Variants in DCPS observed in about 807,000 individuals in gnomAD.
The protein encoded by DCPS is m7GpppX diphosphatase.
In DCPS, 27 loss-of-function variants were observed where a neutral mutation model predicts 34.7. The ratio of observed to expected loss-of-function variants is 0.78; its 90% CI spans 0.57 to 1.07. The LOEUF (loss-of-function observed/expected upper bound fraction) is 1.07, where lower values mean the gene tolerates loss of function less well. Among genes scored for constraint, DCPS ranks in the 50% least tolerant of loss-of-function variants. DCPS has a pLI of 0.00. For synonymous variants in DCPS, 185 were observed against 185.7 expected, an observed-to-expected ratio of 1.00 and a Z score of 0.03; for missense variants, 464 against 436.9, an observed-to-expected ratio of 1.06 and a Z score of -0.55.
intron 4 of DCPS, among the ~76,000 whole-genome samples, chr11:126,339,752 G>A (rs1951863038): frequency 6.6e-6 from 1 of 152,184 alleles, no homozygotes; most frequent in African/African-American, 2.4e-5. Context: ...GAAGGAGGGA[G>A]CCAGGACTGG....
intron 4 of DCPS, among the ~76,000 whole-genome samples, chr11:126,340,046 C>T (rs908746385): frequency 6.6e-6 from 1 of 152,164 alleles, no homozygotes; most frequent in Non-Finnish European, 1.5e-5. Context: ...TAGACTTGTC[C>T]GTCTGTATTC....
At position 126,327,039 on chromosome 11, in the gene DCPS, T is replaced by G. The variant is rs1291704786; in HGVS notation, c.377-4366T>G. Among the ~76,000 whole-genome samples the G allele has an allele frequency of 6.6e-6, 1 of 152,200 alleles. No homozygotes were observed. The highest frequency in any genetic ancestry group is 1.5e-5 in the Non-Finnish European group (1 of 68,028). On this transcript the variant is annotated intron_variant, in intron 2 of 5. Coordinates refer to ENST00000263579, the MANE Select transcript of DCPS (RefSeq NM_014026.6). This position sits in a 1 kb window ranked among gnomAD's most constrained non-coding sequence, Gnocchi z 4.1. Reference sequence around the variant, plus strand: ...TGATAACGATGGATATAAAAAAGGGTAAAATTATTAATTTCAGGAGATTTC... The same window carrying G: ...TGATAACGATGGATATAAAAAAGGGGAAAATTATTAATTTCAGGAGATTTC...
At position 126,313,018 on chromosome 11, in the gene DCPS, C is replaced by T. The variant is rs1315429876; in HGVS notation, c.376+6274C>T. Among the ~76,000 whole-genome samples the T allele has an allele frequency of 2.0e-5, 3 of 152,160 alleles. No homozygotes were observed. Among genetic ancestry groups the T allele is most frequent in the Admixed American group, 6.5e-5 (1 of 15,278 alleles). ...CCTTTCTGCCATAGCTGTCACCCTGCGGCCTGTCAATGGAGCCCTTTATTG... is the reference window on the plus strand; with the variant it reads ...CCTTTCTGCCATAGCTGTCACCCTGTGGCCTGTCAATGGAGCCCTTTATTG... On this transcript the variant is annotated intron_variant, in intron 2 of 5. Transcript: ENST00000263579. The surrounding 1 kb of genome is among the most constrained non-coding windows in gnomAD (Gnocchi z 4.9).
At position 126,333,702 on chromosome 11, in the gene DCPS, G is replaced by A. The variant is rs914115924; in HGVS notation, c.522+2152G>A. ...GGGTCAGAGGAGACAGCACTGAGAT[G>A]GTAGGCAGGGGCCAGGCGGAGGCAC... On this transcript the variant is annotated intron_variant, in intron 3 of 5. Transcript: ENST00000263579. This position sits in a 1 kb window ranked among gnomAD's most constrained non-coding sequence, Gnocchi z 5.7. 3.3e-5 allele frequency among the ~76,000 whole-genome samples: 5 copies of A among 152,218 alleles called. No homozygotes were observed. Among genetic ancestry groups the A allele is most frequent in the African/African-American group, 1.2e-4 (5 of 41,458 alleles).
Position 126,347,092 on chromosome 11 carries a change from A to T in DCPS, c.*1479A>T, listed in dbSNP as rs972780413. On this transcript the variant is annotated 3_prime_UTR_variant, in exon 6 of 6. Transcript: ENST00000263579. This position sits in a 1 kb window ranked among gnomAD's most constrained non-coding sequence, Gnocchi z 4.2. ...AGACTCCCTCTCAGAAAAAAAAATT[A>T]AAAAAATAGAAACAGCCGGGGAGTG... Among the ~76,000 whole-genome samples, 3 of 151,536 alleles carry T rather than the reference A, an allele frequency of 2.0e-5. No individual in the cohort carries two copies. The highest frequency in any genetic ancestry group is 4.4e-5 in the Non-Finnish European group (3 of 67,910).
chr11:126,309,644 C>T (rs937433251), intron 2 of DCPS, among the ~76,000 whole-genome samples: 9 of 152,126 alleles, frequency 5.9e-5, no homozygotes, highest in Admixed American at 1.3e-4. Flanking sequence ...ACTGTACATG[C>T]GGTGCCTTTC....
At position 126,325,868 on chromosome 11, in the gene DCPS, C is replaced by T. The variant is rs1951735548; in HGVS notation, c.377-5537C>T. ...GGCGCGGTGGCTCACACCTGTAATC[C>T]CAGCACTTTGGGAGGCTGAGGTGGG... On this transcript the variant is annotated intron_variant, in intron 2 of 5. Transcript: ENST00000263579. This position sits in a 1 kb window ranked among gnomAD's most constrained non-coding sequence, Gnocchi z 4.3. 6.6e-6 allele frequency among the ~76,000 whole-genome samples: 1 copy of T among 152,036 alleles called. No individual in the cohort carries two copies. Among genetic ancestry groups the T allele is most frequent in the Non-Finnish European group, 1.5e-5 (1 of 68,024 alleles).
At position 126,329,746 on chromosome 11, in the gene DCPS, G is replaced by A. The variant is rs1021932204; in HGVS notation, c.377-1659G>A. On this transcript the variant is annotated intron_variant, in intron 2 of 5. Transcript: ENST00000263579. This position sits in a 1 kb window ranked among gnomAD's most constrained non-coding sequence, Gnocchi z 5.0. ...GTCCCAGCCCACCCTCTTCACTGAC[G>A]TATGAAAGCGGGGTTAAAACCACCT... Among the ~76,000 whole-genome samples, 4 of 152,172 alleles carry A rather than the reference G, an allele frequency of 2.6e-5. No homozygotes were observed. Among genetic ancestry groups the A allele is most frequent in the African/African-American group, 7.2e-5 (3 of 41,438 alleles).
chr11:126,304,095 T>C lies in DCPS; in HGVS notation c.15T>C (p.Ala5=), dbSNP rs1951541866. The part of the protein sequence containing the change: MADA[A]PQLGKRKREL... ...TCCGCGGCAGCATGGCGGACGCAGC[T>C]CCTCAACTAGGCAAGAGGAAGCGCG... The change falls in exon 1 of 6, where the codon GCT becomes GCC. Residue 5 remains alanine (A), a synonymous_variant. Transcript: ENST00000263579. 1 of 1,607,666 alleles carries C rather than the reference T, an allele frequency of 6.2e-7. No individual in the cohort carries two copies.
chr11:126,310,950 G>T (rs546609384), intron 2 of DCPS, among the ~76,000 whole-genome samples: 4 of 152,158 alleles, frequency 2.6e-5, no homozygotes, highest in Admixed American at 2.0e-4. Flanking sequence ...TCATTTCTGA[G>T]CTGGCCACAG....
chr11:126,333,935 G>A lies in DCPS; in HGVS notation c.522+2385G>A, dbSNP rs146460855. On this transcript the variant is annotated intron_variant, in intron 3 of 5. Transcript: ENST00000263579. This position sits in a 1 kb window ranked among gnomAD's most constrained non-coding sequence, Gnocchi z 5.7. Reference sequence around the variant, plus strand: ...TCAGATGTGAGAACAGTTGCCATAGGCAGTGAGGGTGCCCTAAACGGTTTT... The same window carrying A: ...TCAGATGTGAGAACAGTTGCCATAGACAGTGAGGGTGCCCTAAACGGTTTT... 2.0e-5 allele frequency among the ~76,000 whole-genome samples: 3 copies of A among 152,152 alleles called. No homozygotes were observed. Among genetic ancestry groups the A allele is most frequent in the Admixed American group, 1.3e-4 (2 of 15,262 alleles).
chr11:126,331,611 GA>G lies in DCPS; in HGVS notation c.522+62del. On this transcript the variant is annotated intron_variant, in intron 3 of 5. Transcript: ENST00000263579. This position sits in a 1 kb window ranked among gnomAD's most constrained non-coding sequence, Gnocchi z 7.2. ...TCCCGTGGCTGGTGCCTCCTCTTACGAGTGTCTATTGGGGTCATATTAGGGG... is the reference window on the plus strand; with the variant it reads ...TCCCGTGGCTGGTGCCTCCTCTTACGGTGTCTATTGGGGTCATATTAGGGG... The G allele has an allele frequency of 6.3e-7, 1 of 1,591,708 alleles. No homozygotes were observed. Among genetic ancestry groups the G allele is most frequent in the Admixed American group, 1.7e-5 (1 of 58,782 alleles).
rs7120764 is a variant in DCPS at position 126,313,144 on chromosome 11, G to A, written c.376+6400G>A. ...CTCTTCAAAGGCCAATTGTTTCCCC[G>A]TGTAAACCAGGAGGTGAAATCTCAA... On this transcript the variant is annotated intron_variant, in intron 2 of 5. Coordinates refer to ENST00000263579, the MANE Select transcript of DCPS (RefSeq NM_014026.6). This position sits in a 1 kb window ranked among gnomAD's most constrained non-coding sequence, Gnocchi z 4.9. Among the ~76,000 whole-genome samples the A allele has an allele frequency of 5.0e-3, 746 of 149,308 alleles. 6 individuals carry two copies. Among genetic ancestry groups the A allele is most frequent in the African/African-American group, 0.016 (658 of 41,188 alleles).
intron 4 of DCPS, among the ~76,000 whole-genome samples, chr11:126,339,389 C>G (rs569905470): frequency 1.3e-5 from 2 of 152,296 alleles, no homozygotes; most frequent in South Asian, 2.1e-4. Flanking sequence ...CCTCGTCTGC[C>G]CCTCCGCGGG....
At chr11:126,309,956 A>G (rs1292146072) in intron 2 of DCPS, among the ~76,000 whole-genome samples, 1 of 152,074 alleles carries the variant, frequency 6.6e-6, no homozygotes, top group African/African-American at 2.4e-5. Context: ...AAATGAAAAT[A>G]TCACTCTTGG....
At chr11:126,307,332 CAAAA>C (rs113182860) in intron 2 of DCPS, among the ~76,000 whole-genome samples, 2 of 83,436 alleles carry the variant, frequency 2.4e-5, no homozygotes. Context: ...AACCCTATCT[CAAAA>C]AAAAAAAAAA....
intron 4 of DCPS, 71 bp from the exon 5 acceptor site, chr11:126,343,236 G>C (rs765856848): frequency 3.2e-5 from 43 of 1,324,672 alleles, no homozygotes; most frequent in Non-Finnish European, 4.3e-5. Context: ...GCTTACGTGA[G>C]AACTCCAGGG....
intron 1 of DCPS, 63 bp from the exon 2 acceptor site, chr11:126,306,507 T>C (rs1043775392): frequency 2.7e-6 from 4 of 1,464,146 alleles, no homozygotes; most frequent in Non-Finnish European, 3.7e-6. Flanking sequence ...AGCTTCTGTC[T>C]TGCTCTCCAG....
rs139771598 is a variant in DCPS at position 126,347,476 on chromosome 11, G to A, written c.*1863G>A. On this transcript the variant is annotated 3_prime_UTR_variant, in exon 6 of 6. Coordinates refer to ENST00000263579, the MANE Select transcript of DCPS (RefSeq NM_014026.6). This position sits in a 1 kb window ranked among gnomAD's most constrained non-coding sequence, Gnocchi z 4.2. Reference sequence around the variant, plus strand: ...TGGCCTCAGGTGATCCACCCATCTCGGCCTCCCAAAGTGCTGGGATTCCAG... The same window carrying A: ...TGGCCTCAGGTGATCCACCCATCTCAGCCTCCCAAAGTGCTGGGATTCCAG... Among the ~76,000 whole-genome samples, 856 of 152,068 alleles carry A rather than the reference G, an allele frequency of 5.6e-3. 13 individuals carry two copies. The highest frequency in any genetic ancestry group is 0.017 in the African/African-American group (713 of 41,484).
Sources: allele counts gnomAD v4.1 joint callset (sites outside exome capture counted in the v4.1 genomes callset), GRCh38; gene constraint gnomAD v4.1.1; non-coding constraint Gnocchi (gnomAD v3.1); transcripts MANE v1.5; gene names NCBI Gene and HGNC (gene_info 2026-07-23, HGNC 2026-07-21).